The following PEPD variants were observed in gnomAD, a reference collection of about 807,000 sequenced individuals.
The protein encoded by PEPD is peptidase D, also known as xaa-Pro dipeptidase.
A neutral mutation model predicts 60.7 loss-of-function variants in PEPD; 53 were observed. The observed-to-expected ratio is 0.87, with a 90% CI of 0.70 to 1.10. The LOEUF (loss-of-function observed/expected upper bound fraction) is 1.10. PEPD is among the 50% of genes least tolerant of loss of function. The probability of loss-of-function intolerance (pLI) is 0.00; values close to 1 mark genes in which losing one functional copy is unlikely to be tolerated. For missense variants in PEPD, 711 were observed against 711.9 expected, an observed-to-expected ratio of 1.00 and a Z score of 0.01; for synonymous variants, 267 against 284.1, an observed-to-expected ratio of 0.94 and a Z score of 0.60.
intron 10 of PEPD, among the ~76,000 whole-genome samples, chr19:33,412,534 T>C (rs1361346700): frequency 2.0e-5 from 3 of 152,158 alleles, no homozygotes; most frequent in African/African-American, 4.8e-5. Context: ...TCCTCGCTCC[T>C]CTGCCTGAGA....
At chr19:33,458,070 T>C (rs968117449) in intron 9 of PEPD, among the ~76,000 whole-genome samples, 1 of 151,954 alleles carries the variant, frequency 6.6e-6, no homozygotes, top group Non-Finnish European at 1.5e-5. Context: ...GGCGTGTGTA[T>C]GGTGTGTAGT....
intron 9 of PEPD, among the ~76,000 whole-genome samples, chr19:33,417,973 C>T (rs1342371003): frequency 3.9e-5 from 6 of 152,308 alleles, no homozygotes; most frequent in Middle Eastern, 6.8e-3. Context: ...CACCAGCTAC[C>T]GGGACACGTG....
At chr19:33,432,865 G>A (rs1969302545) in intron 9 of PEPD, among the ~76,000 whole-genome samples, 1 of 152,230 alleles carries the variant, frequency 6.6e-6, no homozygotes, top group African/African-American at 2.4e-5. Context: ...CCCACAGCCT[G>A]GATGGAGATG....
At position 33,493,571 on chromosome 19, in the gene PEPD, G is replaced by A. The variant is rs960440938; in HGVS notation, c.394-234C>T. ...GAGAGGATAAACCTACACCTGGCTC[G>A]CTTCCCACCGCACCGCCCTGCTTCC... On this transcript the variant is annotated intron_variant, in intron 4 of 14. Transcript: ENST00000244137. 4.6e-5 allele frequency among the ~76,000 whole-genome samples: 7 copies of A among 152,004 alleles called. No individual in the cohort carries two copies. The East Asian group carries it at 5.8e-4, about 13-fold the overall frequency.
At chr19:33,507,164 C>A (rs1970829867) in intron 3 of PEPD, among the ~76,000 whole-genome samples, 1 of 152,126 alleles carries the variant, frequency 6.6e-6, no homozygotes, top group South Asian at 2.1e-4. Context: ...TCCCTGCATA[C>A]CCAGAGCCGG....
At chr19:33,482,037 C>T (rs1329291415) in intron 6 of PEPD, among the ~76,000 whole-genome samples, 2 of 151,842 alleles carry the variant, frequency 1.3e-5, no homozygotes, top group African/African-American at 4.8e-5. Flanking sequence ...AAATAAACAA[C>T]AACAACAACA....
chr19:33,467,934 G>C (rs1970050224), intron 7 of PEPD, among the ~76,000 whole-genome samples: 1 of 152,186 alleles, frequency 6.6e-6, no homozygotes, highest in Non-Finnish European at 1.5e-5. Context: ...GGAGTGGAGT[G>C]AAAGGGCCAC....
intron 7 of PEPD, among the ~76,000 whole-genome samples, chr19:33,476,041 G>A (rs1024616082): frequency 6.6e-6 from 1 of 152,096 alleles, no homozygotes; most frequent in African/African-American, 2.4e-5. Flanking sequence ...TTAAAATTTT[G>A]TTTTTGTAGA....
intron 2 of PEPD, 94 bp downstream of exon 2, chr19:33,512,499 G>T: frequency 8.3e-7 from 1 of 1,201,946 alleles, no homozygotes; most frequent in Non-Finnish European, 1.2e-6. Context: ...GGGCCACAAG[G>T]GGCAGCACTG....
At chr19:33,424,636 T>C (rs527564146) in intron 9 of PEPD, among the ~76,000 whole-genome samples, 1 of 152,214 alleles carries the variant, frequency 6.6e-6, no homozygotes, top group Non-Finnish European at 1.5e-5. Flanking sequence ...GTCCAGGAGT[T>C]TAAGCCCAGC....
chr19:33,443,447 T>C (rs915301372), intron 9 of PEPD, among the ~76,000 whole-genome samples: 8 of 152,190 alleles, frequency 5.3e-5, no homozygotes, highest in Non-Finnish European at 1.2e-4. Context: ...AAAATTATTA[T>C]TCATTTAAAT....
At chr19:33,456,624 C>T (rs1031583887) in intron 9 of PEPD, among the ~76,000 whole-genome samples, 2 of 152,190 alleles carry the variant, frequency 1.3e-5, no homozygotes, top group Non-Finnish European at 2.9e-5. Context: ...ATCAACACAG[C>T]CTTCAGAGAA....
rs149914845 is a variant in PEPD, at chr19:33,387,217, A to G, written c.*127T>C. 190 of 1,159,618 alleles carry G rather than the reference A, an allele frequency of 1.6e-4. 1 individual carries two copies. In the Middle Eastern group the frequency reaches 2.0e-3, roughly 12 times the overall value. The allele number at this position is 1,159,618 out of a possible 1,614,324, so 71.8% of individuals were successfully genotyped here. On this transcript the variant is annotated 3_prime_UTR_variant, in exon 15 of 15. Transcript: ENST00000244137. ...GAAACAGCACTGTTTGGTCTGATCA[A>G]ATGCCGAAGCTGGGATCTGATTCTG...
intron 12 of PEPD, among the ~76,000 whole-genome samples, chr19:33,395,337 C>T (rs1200511863): frequency 6.6e-6 from 1 of 152,222 alleles, no homozygotes; most frequent in Non-Finnish European, 1.5e-5. Flanking sequence ...TGGCATGCTG[C>T]GGATGCTTGG....
At chr19:33,474,445 G>C (rs537011851) in intron 7 of PEPD, among the ~76,000 whole-genome samples, 1 of 152,216 alleles carries the variant, frequency 6.6e-6, no homozygotes. Flanking sequence ...TGTACACATG[G>C]AGTCTCAACA....
chr19:33,516,565 C>A (rs1361666946), intron 1 of PEPD, among the ~76,000 whole-genome samples: 1 of 152,026 alleles, frequency 6.6e-6, no homozygotes, highest in African/African-American at 2.4e-5. Flanking sequence ...CCACTGCCCC[C>A]ACAAGCCGTC....
At chr19:33,474,213 A>G (rs1466329970) in intron 7 of PEPD, among the ~76,000 whole-genome samples, 4 of 152,200 alleles carry the variant, frequency 2.6e-5, no homozygotes, top group African/African-American at 9.7e-5. Context: ...ACTGACACTC[A>G]GGCAGCCCCA....
intron 9 of PEPD, among the ~76,000 whole-genome samples, chr19:33,418,697 A>G (rs1968943018): frequency 6.6e-6 from 1 of 152,182 alleles, no homozygotes; most frequent in Non-Finnish European, 1.5e-5. Context: ...GGTCTTCCAA[A>G]GAGCAGGTAC....
rs373639982 is a variant in PEPD, at chr19:33,493,329, G to T, written c.402C>A (p.Ser134Arg). The change falls in exon 5 of 15, where the codon AGC (serine) becomes AGA (arginine). Residue 134 changes from serine (S) to arginine (R), a missense_variant. By Grantham distance (110) the Ser-to-Arg change is moderately radical (BLOSUM62 -1). Coordinates refer to ENST00000244137, the MANE Select transcript of PEPD (RefSeq NM_000285.4). ...CAGAGGGCTTCTGTGACGTCAGGAC[G>T]CTGGCAATCTAGAAGGTCGGAAAGA... ...DDVQYVDEIASVLTSQKPSVL... is the reference protein window; with the variant it reads ...DDVQYVDEIARVLTSQKPSVL... 6.2e-7 allele frequency: 1 copy of T among 1,612,772 alleles called. No homozygotes were observed. The highest frequency in any genetic ancestry group is 8.5e-7 in the Non-Finnish European group (1 of 1,178,910).
Sources: gnomAD v4.1 joint callset for allele counts (sites outside exome capture counted in the v4.1 genomes callset) on GRCh38, gnomAD v4.1.1 for gene constraint, MANE v1.5 for transcripts, NCBI Gene and HGNC (gene_info 2026-07-23, HGNC 2026-07-21) for gene names.